Variants in PPFIBP2 observed in about 807,000 individuals in gnomAD.
PPFIBP2 encodes liprin-beta-2.
In PPFIBP2, 118 loss-of-function variants were observed where a neutral mutation model predicts 118.3. That is an observed-to-expected ratio of 1.00 (90% confidence interval 0.86 to 1.16). The LOEUF (loss-of-function observed/expected upper bound fraction) is 1.16, where lower values mean the gene tolerates loss of function less well. PPFIBP2 is among the 50% of genes most tolerant of loss of function. The pLI is 0.00. For missense variants in PPFIBP2, 1,195 were observed against 1,073.1 expected, an observed-to-expected ratio of 1.11 and a Z score of -1.59; for synonymous variants, 414 against 397.4, an observed-to-expected ratio of 1.04 and a Z score of -0.50.
intron 17 of PPFIBP2, among the ~76,000 whole-genome samples, chr11:7,646,559 A>T (rs7117146): frequency 2.0e-5 from 3 of 152,046 alleles, no homozygotes; most frequent in African/African-American, 7.2e-5. Flanking sequence ...CCCAAAATAC[A>T]AGAGTAAAGA....
chr11:7,607,934 G>A (rs1283916136), intron 5 of PPFIBP2, among the ~76,000 whole-genome samples: 1 of 152,216 alleles, frequency 6.6e-6, no homozygotes, highest in Non-Finnish European at 1.5e-5. Context: ...GTAGGCAGAA[G>A]GATGGAGAAC....
chr11:7,663,268 T>C, the PPFIBP2 span, among the ~76,000 whole-genome samples: 1 of 144,394 alleles, frequency 6.9e-6, no homozygotes, highest in Non-Finnish European at 1.6e-5. Flanking sequence ...TTTTTCCCCA[T>C]CTTTGTGGTT....
chr11:7,570,559 G>A (rs1261789855), intron 3 of PPFIBP2, among the ~76,000 whole-genome samples: 1 of 152,220 alleles, frequency 6.6e-6, no homozygotes, highest in South Asian at 2.1e-4. Flanking sequence ...CAGGCTCCAG[G>A]GTGAGGGGTG....
intron 1 of PPFIBP2, among the ~76,000 whole-genome samples, chr11:7,540,770 A>G (rs963222479): frequency 2.6e-5 from 4 of 152,200 alleles, no homozygotes; most frequent in Non-Finnish European, 5.9e-5. Flanking sequence ...TTCAGGATGA[A>G]AAAAGATGAT....
chr11:7,516,195 G>A (rs891516253), intron 1 of PPFIBP2, among the ~76,000 whole-genome samples: 2 of 152,204 alleles, frequency 1.3e-5, no homozygotes, highest in African/African-American at 2.4e-5. Context: ...TGGGAGTGTG[G>A]TGGGAAGCAA....
At chr11:7,597,852 G>T (rs1860653371) in intron 5 of PPFIBP2, 179 bp downstream of exon 5, 1 of 580,552 alleles carries the variant, frequency 1.7e-6, no homozygotes, top group East Asian at 2.9e-5. Context: ...CGTTGAGAGT[G>T]GCAGAGGGGG....
In PPFIBP2 at chr11:7,653,446, GA is replaced by G. The variant is rs1378472500; in HGVS notation, c.*231del. The G allele has an allele frequency of 1.1e-5, 16 of 1,505,444 alleles. No individual in the cohort carries two copies. The highest frequency in any genetic ancestry group is 2.8e-5 in the African/African-American group (2 of 72,554). The allele number at this position is 1,505,444 out of a possible 1,614,324, so 93.3% of individuals were successfully genotyped here. The stretch of plus-strand genomic sequence containing the variant: ...CCATTGCCAAAGGTGGACTCAGGAG[GA>G]AAGACACTTAAAGACACTTTTACAT... On this transcript the variant is annotated 3_prime_UTR_variant, in exon 24 of 24. Coordinates refer to ENST00000299492, the MANE Select transcript of PPFIBP2 (RefSeq NM_003621.5).
chr11:7,529,122 G>T (rs887389447), intron 1 of PPFIBP2, among the ~76,000 whole-genome samples: 4 of 152,154 alleles, frequency 2.6e-5, no homozygotes, highest in African/African-American at 9.7e-5. Context: ...CATCTGGGCT[G>T]CAGTGACGCA....
chr11:7,608,809 G>A (rs1847720324), intron 5 of PPFIBP2, among the ~76,000 whole-genome samples: 1 of 152,208 alleles, frequency 6.6e-6, no homozygotes, highest in Non-Finnish European at 1.5e-5. Context: ...GTATACAAAA[G>A]CACCAGCAGT....
At position 7,651,735 on chromosome 11, in the gene PPFIBP2, A is replaced by T; in HGVS notation, c.2327A>T (p.His776Leu). The T allele has an allele frequency of 6.2e-7, 1 of 1,614,098 alleles. No homozygotes were observed. The highest frequency in any genetic ancestry group is 8.5e-7 in the Non-Finnish European group (1 of 1,179,944). ...IPPQKTLLRR[H>L]LTTKFNALIG... Reference sequence around the variant, plus strand: ...CCACAAAAGACGCTCCTCAGGCGCCACCTGACCACCAAGTTCAATGCCTTG... The same window carrying T: ...CCACAAAAGACGCTCCTCAGGCGCCTCCTGACCACCAAGTTCAATGCCTTG... The change falls in exon 23 of 24, where the codon CAC (histidine) becomes CTC (leucine). Residue 776 changes from histidine (H) to leucine (L), a missense_variant. His to Leu is a moderately conservative substitution (Grantham distance 99). Coordinates refer to ENST00000299492, the MANE Select transcript of PPFIBP2 (RefSeq NM_003621.5).
chr11:7,621,457 C>T (rs917469894), intron 7 of PPFIBP2, among the ~76,000 whole-genome samples: 1 of 152,114 alleles, frequency 6.6e-6, no homozygotes, highest in African/African-American at 2.4e-5. Flanking sequence ...AAAATATATT[C>T]CTAAAAATGG....
Position 7,651,544 on chromosome 11 carries a change from C to G in PPFIBP2, c.2248-112C>G, listed in dbSNP as rs370357410. 25 of 924,068 alleles carry G rather than the reference C, an allele frequency of 2.7e-5. No homozygotes were observed. In the East Asian group the frequency reaches 5.8e-4, roughly 21 times the overall value. The allele number at this position is 924,068 out of a possible 1,614,324, so 57.2% of individuals were successfully genotyped here. On this transcript the variant is annotated intron_variant, in intron 22 of 23. Coordinates refer to ENST00000299492, the MANE Select transcript of PPFIBP2 (RefSeq NM_003621.5). ...GGACTCAGAACAAGTGACTGAGCTC[C>G]TGTCCCTCCTCTGGAGGCACCCCCA...
chr11:7,591,818 G>A (rs962270739), intron 3 of PPFIBP2, among the ~76,000 whole-genome samples: 1 of 152,204 alleles, frequency 6.6e-6, no homozygotes, highest in East Asian at 1.9e-4. Flanking sequence ...GTTTGAATGC[G>A]GTATGCTTGG....
intron 17 of PPFIBP2, among the ~76,000 whole-genome samples, chr11:7,647,246 A>G (rs895505368): frequency 6.6e-6 from 1 of 152,252 alleles, no homozygotes. Flanking sequence ...ACGATATTCT[A>G]TAAATCCTCA....
At chr11:7,556,994 T>G (rs1853711954) in intron 2 of PPFIBP2, among the ~76,000 whole-genome samples, 1 of 152,258 alleles carries the variant, frequency 6.6e-6, no homozygotes. Flanking sequence ...TTTTCCATTC[T>G]GAAAAATTCA....
intron 5 of PPFIBP2, among the ~76,000 whole-genome samples, chr11:7,603,477 T>A (rs1219692121): frequency 6.6e-6 from 1 of 152,198 alleles, no homozygotes; most frequent in African/African-American, 2.4e-5. Flanking sequence ...GCAAAGAGAC[T>A]TATTTTTCCT....
At chr11:7,571,881 G>A (rs1855691010) in intron 3 of PPFIBP2, 1 of 152,238 alleles carries the variant, frequency 6.6e-6, no homozygotes, top group African/African-American at 2.4e-5. Context: ...GCTGGGAAGT[G>A]AAATCCCAAA....
At chr11:7,607,087 T>G (rs1392141582) in intron 5 of PPFIBP2, among the ~76,000 whole-genome samples, 5 of 151,214 alleles carry the variant, frequency 3.3e-5, no homozygotes, top group Non-Finnish European at 5.9e-5. Context: ...ATTTTTTGTA[T>G]TTTTAGTAGA....
At chr11:7,636,347 C>T (rs962359685) in intron 14 of PPFIBP2, among the ~76,000 whole-genome samples, 2 of 152,086 alleles carry the variant, frequency 1.3e-5, no homozygotes, top group African/African-American at 2.4e-5. Context: ...CTTTTCTGCA[C>T]GTCTGCATCT....
Sources: allele counts gnomAD v4.1 joint callset (sites outside exome capture counted in the v4.1 genomes callset), GRCh38; gene constraint gnomAD v4.1.1; transcripts MANE v1.5; gene names NCBI Gene and HGNC (gene_info 2026-07-23, HGNC 2026-07-21).